Variants in POLQ observed in about 807,000 individuals in gnomAD.
The protein encoded by POLQ is epididymis secretory sperm binding protein.
A neutral mutation model predicts 259.2 loss-of-function variants in POLQ; 233 were observed. The ratio of observed to expected loss-of-function variants is 0.90; its 90% CI spans 0.81 to 1.00. The LOEUF (loss-of-function observed/expected upper bound fraction) is 1.00, where lower values mean the gene tolerates loss of function less well. Ranked by LOEUF, POLQ falls within the 50% of genes least tolerant of loss-of-function variation. The pLI is 0.00. For missense variants in POLQ, 2,871 were observed against 3,051.6 expected, an observed-to-expected ratio of 0.94 and a Z score of 1.39; for synonymous variants, 1,025 against 1,048.8, an observed-to-expected ratio of 0.98 and a Z score of 0.44.
At chr3:121,535,560 A>G (rs900864458) in intron 5 of POLQ, among the ~76,000 whole-genome samples, 2 of 151,946 alleles carry the variant, frequency 1.3e-5, no homozygotes, top group Non-Finnish European at 2.9e-5. Context: ...TACTAAAAAT[A>G]CACAAATTAG....
intron 12 of POLQ, among the ~76,000 whole-genome samples, chr3:121,499,850 ATAT>A (rs1180791457): frequency 1.3e-5 from 2 of 152,270 alleles, no homozygotes; most frequent in Non-Finnish European, 2.9e-5. Context: ...TTCAAAGCAA[ATAT>A]TATAAATATG....
At chr3:121,526,008 C>A (rs1292806766) in intron 7 of POLQ, among the ~76,000 whole-genome samples, 2 of 152,036 alleles carry the variant, frequency 1.3e-5, no homozygotes. Context: ...AAGGTTCTAT[C>A]GGGGTTCTCT....
At chr3:121,504,480 G>C (rs1470368260) in intron 12 of POLQ, among the ~76,000 whole-genome samples, 2 of 152,084 alleles carry the variant, frequency 1.3e-5, no homozygotes, top group Non-Finnish European at 2.9e-5. Flanking sequence ...ACAATTAATA[G>C]CAATCTTTAA....
chr3:121,512,237 T>C (rs1354032685), intron 9 of POLQ, among the ~76,000 whole-genome samples: 10 of 152,212 alleles, frequency 6.6e-5, no homozygotes, highest in Admixed American at 6.5e-4. Flanking sequence ...AGCATAAGGA[T>C]TATTTTGAGC....
Position 121,432,379 on chromosome 3 carries a change from T to A in POLQ, c.7698A>T (p.Val2566=). 3 of 1,610,740 alleles carry A rather than the reference T, an allele frequency of 1.9e-6. No individual in the cohort carries two copies. Among genetic ancestry groups the A allele is most frequent in the Non-Finnish European group, 2.5e-6 (3 of 1,178,410 alleles). Reference sequence around the variant, plus strand: ...TCACTTTCAATTTCACAGACAGTTTTACAGCACTTTCCATTTCATTCTTGA... The same window carrying A: ...TCACTTTCAATTTCACAGACAGTTTAACAGCACTTTCCATTTCATTCTTGA... The part of the protein sequence containing the change: ...QIVKNEMESA[V]KLSVKLKVKV... The change falls in exon 30 of 30, where the codon GTA becomes GTT. Residue 2566 remains valine (V), a synonymous_variant. Coordinates refer to ENST00000264233, the MANE Select transcript of POLQ (RefSeq NM_199420.4).
At position 121,511,752 on chromosome 3, in the gene POLQ, TG is replaced by T. The variant is rs1367022640; in HGVS notation, c.1611+134del. On this transcript the variant is annotated intron_variant, in intron 10 of 29. Transcript: ENST00000264233. ...GAGATCATGCCATTGTACTCCGGCC[TG>T]GGTAACAGAGTGAGACTCTGTCTCA... 6.0e-6 allele frequency: 4 copies of T among 669,862 alleles called. No individual in the cohort carries two copies. The African/African-American group carries it at 7.4e-5, about 12-fold the overall frequency. The allele number at this position is 669,862 out of a possible 1,614,324, so 41.5% of individuals were successfully genotyped here.
rs1196703849 is a variant in POLQ at position 121,489,569 on chromosome 3, T to C, written c.3362A>G (p.Asn1121Ser). ...AGTTAGTGTTATGTTCCATGAACAATTTTGCTTTATTTGTAATGGGAATGA... is the reference window on the plus strand; with the variant it reads ...AGTTAGTGTTATGTTCCATGAACAACTTTGCTTTATTTGTAATGGGAATGA... ...KTSFPLQIKQNCSWNITLTND... is the reference protein window; with the variant it reads ...KTSFPLQIKQSCSWNITLTND... Residue 1121 changes from asparagine to serine, a missense_variant, in exon 16 of 30, where the codon AAT becomes AGT. Asn to Ser is a conservative substitution (Grantham distance 46, BLOSUM62 1). Around this residue, in one of 3 missense-constraint regions of POLQ, gnomAD observed 2,080 missense variants for 2,126.0 expected, o/e 0.98. Coordinates refer to ENST00000264233, the MANE Select transcript of POLQ (RefSeq NM_199420.4). 12 of 1,612,932 alleles carry C rather than the reference T, an allele frequency of 7.4e-6. No homozygotes were observed. Among genetic ancestry groups the C allele is most frequent in the Non-Finnish European group, 1.0e-5 (12 of 1,179,474 alleles).
In POLQ at chr3:121,467,608, G is replaced by A. The variant is rs1483949792; in HGVS notation, c.6878C>T (p.Pro2293Leu). 1 of 1,613,800 alleles carries A rather than the reference G, an allele frequency of 6.2e-7. No homozygotes were observed. Among genetic ancestry groups the A allele is most frequent in the East Asian group, 2.2e-5 (1 of 44,874 alleles). The change falls in exon 24 of 30, where the codon CCT becomes CTT. Residue 2293 changes from proline (P) to leucine (L), a missense_variant. Pro to Leu is a moderately conservative substitution (Grantham distance 98). Around this residue, in one of 3 missense-constraint regions of POLQ, gnomAD observed 2,080 missense variants for 2,126.0 expected, o/e 0.98. Transcript: ENST00000264233. ...CTCCTCCATCTGTGCCTGGCATCTA[G>A]GATTCACGCTGAAACCCTTCTTATA... ...GKYKKGFSVN[P>L]RCQAQMEERA...
chr3:121,494,113 C>T lies in POLQ; in HGVS notation c.2279-392G>A. 13 of 727,444 alleles carry T rather than the reference C, an allele frequency of 1.8e-5. 1 individual carries two copies. The highest frequency in any genetic ancestry group is 1.6e-4 in the South Asian group (11 of 68,086). The allele number at this position is 727,444 out of a possible 1,614,324, so 45.1% of individuals were successfully genotyped here. ...CTCTCTCTTCCCGCCACCCAAGATGCCGAAAGGAAAGAAGGCCAAGGGAAC... is the reference window on the plus strand; with the variant it reads ...CTCTCTCTTCCCGCCACCCAAGATGTCGAAAGGAAAGAAGGCCAAGGGAAC... On this transcript the variant is annotated intron_variant, in intron 14 of 29. Transcript: ENST00000264233.
In POLQ at chr3:121,496,844, T is replaced by C. The variant is rs755049290; in HGVS notation, c.2242A>G (p.Ile748Val). Residue 748 changes from isoleucine to valine, a missense_variant, in exon 14 of 30, where the codon ATT becomes GTT. Ile to Val is a conservative substitution (Grantham distance 29, BLOSUM62 3). Around this residue, in one of 3 missense-constraint regions of POLQ, gnomAD observed 783 missense variants for 906.2 expected, o/e 0.86. Coordinates refer to ENST00000264233, the MANE Select transcript of POLQ (RefSeq NM_199420.4). The stretch of plus-strand genomic sequence containing the variant: ...GCAGCTGACTGTTGCAAAGATTGAA[T>C]CTGCCCACGATTGCATCCATATTTC... ...NQKYGCNRGQ[I>V]QSLQQSAAVY... The C allele has an allele frequency of 6.2e-7, 1 of 1,613,778 alleles. No individual in the cohort carries two copies. Among genetic ancestry groups the C allele is most frequent in the East Asian group, 2.2e-5 (1 of 44,862 alleles).
At position 121,493,478 on chromosome 3, in the gene POLQ, C is replaced by G. The variant is rs1469403230; in HGVS notation, c.2522G>C (p.Ser841Thr). The change falls in exon 15 of 30, where the codon AGT becomes ACT. Residue 841 changes from serine (S) to threonine (T), a missense_variant and splice_region_variant. Around this residue, in one of 3 missense-constraint regions of POLQ, gnomAD observed 2,080 missense variants for 2,126.0 expected, o/e 0.98. Coordinates refer to ENST00000264233, the MANE Select transcript of POLQ (RefSeq NM_199420.4). ...CATGTAGGTAAAGGTATTTTCTTAC[C>G]TTTTGAAAGGCACAGCATTTTTCAG... ...VILKNAVPFK[S>T]ARKAVDEEEE... 13 of 1,602,460 alleles carry G rather than the reference C, an allele frequency of 8.1e-6. No individual in the cohort carries two copies. The highest frequency in any genetic ancestry group is 1.7e-5 in the Admixed American group (1 of 59,488).
chr3:121,539,459 A>G lies in POLQ; in HGVS notation c.605T>C (p.Ile202Thr), dbSNP rs1205156778. ...TAACAGATCCATCTTATTTTCCTCTATGAGGCGATTGATCAGACCATTGGC... is the reference window on the plus strand; with the variant it reads ...TAACAGATCCATCTTATTTTCCTCTGTGAGGCGATTGATCAGACCATTGGC... ...ERANGLINRL[I>T]EENKMDLLGM... Residue 202 changes from isoleucine (I) to threonine (T), a missense_variant, in exon 4 of 30, where the codon ATA becomes ACA. Coordinates refer to ENST00000264233, the MANE Select transcript of POLQ (RefSeq NM_199420.4). 3.1e-6 allele frequency: 5 copies of G among 1,608,518 alleles called. No individual in the cohort carries two copies. The highest frequency in any genetic ancestry group is 2.2e-5 in the South Asian group (2 of 89,476).
rs1417397776 is a variant in POLQ at position 121,533,086 on chromosome 3, G to A, written c.864C>T (p.Arg288=). The change falls in exon 6 of 30, where the codon CGC becomes CGT. Residue 288 remains arginine, a synonymous_variant. Coordinates refer to ENST00000264233, the MANE Select transcript of POLQ (RefSeq NM_199420.4). ...TTACTGACTCCAAAAGCGGTACAGG[G>A]CGAAAGTCGGTATGGTAGAGTTCAG... The part of the protein sequence containing the change: ...LNAELYHTDF[R]PVPLLESVKV... 1 of 1,613,960 alleles carries A rather than the reference G, an allele frequency of 6.2e-7. No individual in the cohort carries two copies. Among genetic ancestry groups the A allele is most frequent in the Non-Finnish European group, 8.5e-7 (1 of 1,179,974 alleles).
At chr3:121,523,768 T>C (rs755840426) in intron 7 of POLQ, among the ~76,000 whole-genome samples, 4 of 152,146 alleles carry the variant, frequency 2.6e-5, no homozygotes, top group Non-Finnish European at 5.9e-5. Flanking sequence ...ATGTATGTTC[T>C]AGAATTATTA....
intron 16 of POLQ, among the ~76,000 whole-genome samples, chr3:121,486,276 C>T (rs2048009927): frequency 6.6e-6 from 1 of 152,210 alleles, no homozygotes; most frequent in Non-Finnish European, 1.5e-5. Context: ...TGAGGCCGGG[C>T]ATGGTGGCTC....
intron 5 of POLQ, among the ~76,000 whole-genome samples, chr3:121,535,589 G>T (rs1252101644): frequency 1.3e-5 from 2 of 151,474 alleles, no homozygotes; most frequent in East Asian, 3.9e-4. Context: ...GGTGGCAGGC[G>T]CCTATAATCC....
In POLQ at chr3:121,468,031, T is replaced by A. The variant is rs536105908; in HGVS notation, c.6845+274A>T. On this transcript the variant is annotated intron_variant, in intron 23 of 29. Transcript: ENST00000264233. The stretch of plus-strand genomic sequence containing the variant: ...CTGGGCAAGAGAGCAAGACTCCGTC[T>A]CAAAAAAACAAACAAACAAAGAAAA... 5.9e-5 allele frequency among the ~76,000 whole-genome samples: 9 copies of A among 152,244 alleles called. No individual in the cohort carries two copies. The East Asian group carries it at 1.7e-3, about 29-fold the overall frequency.
At chr3:121,520,335 A>T (rs1305884343) in intron 8 of POLQ, among the ~76,000 whole-genome samples, 1 of 152,136 alleles carries the variant, frequency 6.6e-6, no homozygotes, top group Non-Finnish European at 1.5e-5. Context: ...CAGGAGTTCG[A>T]GACCAGCCTG....
intron 2 of POLQ, among the ~76,000 whole-genome samples, chr3:121,543,009 G>A (rs962140242): frequency 1.3e-5 from 2 of 152,094 alleles, no homozygotes; most frequent in Non-Finnish European, 2.9e-5. Context: ...CACTTTGGCT[G>A]CAGGAGCAGG....
Sources: gnomAD v4.1 joint callset for allele counts (sites outside exome capture counted in the v4.1 genomes callset) on GRCh38, gnomAD v4.1.1 for gene constraint, gnomAD v4.1.1 regional missense constraint, MANE v1.5 for transcripts, NCBI Gene and HGNC (gene_info 2026-07-23, HGNC 2026-07-21) for gene names.